PFKL: variants seen among roughly 807,000 people sequenced by gnomAD.
PFKL encodes ATP-dependent 6-phosphofructokinase, liver type.
A neutral mutation model predicts 92.1 loss-of-function variants in PFKL; 74 were observed. That is an observed-to-expected ratio of 0.80 (90% CI 0.67 to 0.97). The LOEUF is 0.97. Among genes scored for constraint, PFKL ranks in the 50% least tolerant of loss-of-function variants. PFKL has a pLI of 0.00. For missense variants in PFKL, 1,028 were observed against 1,116.6 expected, an observed-to-expected ratio of 0.92 and a Z score of 1.13; for synonymous variants, 494 against 456.4, an observed-to-expected ratio of 1.08 and a Z score of -1.05.
chr21:44,321,985 G>A (rs919978602), intron 13 of PFKL, 110 bp downstream of exon 13: 18 of 1,443,590 alleles, frequency 1.2e-5, no homozygotes, highest in African/African-American at 5.7e-5. Flanking sequence ...ACCTGGGTCC[G>A]CGTGTCGGTG....
chr21:44,310,685 C>G (rs1430235928), intron 2 of PFKL, among the ~76,000 whole-genome samples: 1 of 152,146 alleles, frequency 6.6e-6, no homozygotes, highest in Non-Finnish European at 1.5e-5. Context: ...ATGGCGGGCT[C>G]CGCTGGGGCC....
intron 5 of PFKL, 108 bp from the exon 6 acceptor site, chr21:44,313,530 C>G: frequency 9.5e-7 from 1 of 1,054,654 alleles, no homozygotes; most frequent in Middle Eastern, 2.0e-4. Context: ...AAGGGGCTGT[C>G]CCCTGCCTGC....
intron 1 of PFKL, chr21:44,304,582 C>T (rs1289654065): frequency 1.9e-6 from 2 of 1,062,264 alleles, no homozygotes; most frequent in South Asian, 2.0e-5. Context: ...GGGTGGGGGA[C>T]AGGGCGCTGC....
At chr21:44,303,441 A>AAAAAAAAATGACTTGATCG (rs1555874961) in intron 1 of PFKL, among the ~76,000 whole-genome samples, 1 of 97,096 alleles carries the variant, frequency 1.0e-5, no homozygotes, top group African/African-American at 5.3e-5. Flanking sequence ...ACCAAAAAAA[A>AAAAAAAAATGACTTGATCG]AAAAAAAAAA....
chr21:44,306,615 A>ATGG (rs2040952000), intron 1 of PFKL, 66 bp from the exon 2 acceptor site: 3 of 1,377,736 alleles, frequency 2.2e-6, no homozygotes, highest in Non-Finnish European at 2.0e-6. Context: ...GTCCTCTGAG[A>ATGG]TGGGGAGGGT....
intron 1 of PFKL, among the ~76,000 whole-genome samples, chr21:44,304,623 C>G (rs2040876368): frequency 6.6e-6 from 1 of 150,710 alleles, no homozygotes; most frequent in African/African-American, 2.5e-5. Context: ...CGCCCAGCCT[C>G]AGGCAGCAGG....
chr21:44,308,559 A>ATT (rs532812261), intron 2 of PFKL, among the ~76,000 whole-genome samples: 4,037 of 133,576 alleles, frequency 0.03, 217 homozygotes, highest in African/African-American at 0.094. Context: ...GGGGGTAGGA[A>ATT]TTTTTTTTTT....
Position 44,320,120 on chromosome 21 carries a change from C to A in PFKL, c.1164C>A (p.Leu388=). 6.2e-7 allele frequency: 1 copy of A among 1,613,480 alleles called. No individual in the cohort carries two copies. Among genetic ancestry groups the A allele is most frequent in the South Asian group, 1.1e-5 (1 of 91,082 alleles). Residue 388 remains leucine, a synonymous_variant, in exon 12 of 22, where the codon CTC becomes CTA. Coordinates refer to ENST00000349048, the MANE Select transcript of PFKL (RefSeq NM_002626.6). The part of the protein sequence containing the change: ...FENNWNIYKL[L]AHQKPPKEKS... ...ACAACTGGAACATTTACAAGCTCCTCGCCCACCAGAAGCCCCCCAAGGAGA... is the reference window on the plus strand; with the variant it reads ...ACAACTGGAACATTTACAAGCTCCTAGCCCACCAGAAGCCCCCCAAGGAGA...
chr21:44,322,447 C>G (rs1444658696), intron 14 of PFKL, among the ~76,000 whole-genome samples: 1 of 152,234 alleles, frequency 6.6e-6, no homozygotes, highest in Non-Finnish European at 1.5e-5. Context: ...GGCAAGGAAG[C>G]TGGCGAGCGT....
intron 9 of PFKL, 100 bp from the exon 10 acceptor site, chr21:44,318,370 G>A (rs1054765223): frequency 1.6e-6 from 2 of 1,275,710 alleles, no homozygotes; most frequent in Non-Finnish European, 2.0e-6. Context: ...GTCAGCGTGG[G>A]GGGCTCTGGA....
At position 44,318,702 on chromosome 21, in the gene PFKL, C is replaced by G. The variant is rs113106467; in HGVS notation, c.1062+107C>G. The G allele has an allele frequency of 2.0e-3, 2,107 of 1,067,084 alleles. 34 individuals are homozygous for G. In the African/African-American group the frequency reaches 0.03, roughly 15 times the overall value. 66.1% of individuals were successfully genotyped at this position (1,067,084 alleles called of 1,614,324 possible). A position where few individuals can be genotyped will look rare whatever the true frequency, so the allele number is the denominator to read the frequency against. ...CCCCAGCACTGTGAGCACCGGAGGG[C>G]AGGGCCTCGTGGCTGGCCCAGGGCA... On this transcript the variant is annotated intron_variant, in intron 10 of 21. Coordinates refer to ENST00000349048, the MANE Select transcript of PFKL (RefSeq NM_002626.6).
In PFKL at chr21:44,305,476, G is replaced by A. The variant is rs921447410; in HGVS notation, c.86-1205G>A. 5.5e-6 allele frequency: 7 copies of A among 1,283,824 alleles called. No homozygotes were observed. The Admixed American group carries it at 6.6e-5, about 12-fold the overall frequency. The allele number at this position is 1,283,824 out of a possible 1,614,324, so 79.5% of individuals were successfully genotyped here. ...GTGGGAGGGCAGGGGCTTTTGAGGG[G>A]CACGAGGCTTGGGGACAGAGGACCC... On this transcript the variant is annotated intron_variant, in intron 1 of 21. Coordinates refer to ENST00000349048, the MANE Select transcript of PFKL (RefSeq NM_002626.6).
At chr21:44,324,342 TG>T in intron 16 of PFKL, 148 bp from the exon 17 acceptor site, 1 of 761,860 alleles carries the variant, frequency 1.3e-6, no homozygotes, top group Non-Finnish European at 2.1e-6. Context: ...AGGTGGGAGG[TG>T]GGCCCAAGCC....
intron 7 of PFKL, chr21:44,315,979 C>A: frequency 2.0e-6 from 1 of 511,530 alleles, no homozygotes. Context: ...CCCCGAGGGC[C>A]CCCTTCCTCC....
chr21:44,326,426 C>T (rs1483328535), intron 21 of PFKL, among the ~76,000 whole-genome samples, 162 bp downstream of exon 21: 2 of 152,176 alleles, frequency 1.3e-5, no homozygotes, highest in Admixed American at 1.3e-4. Flanking sequence ...GAGCAGGGAC[C>T]ATGCCCAAGT....
rs774320589 is a variant in PFKL, at chr21:44,322,977, C to A, written c.1425C>A (p.Gly475=). The A allele has an allele frequency of 6.2e-7, 1 of 1,612,042 alleles. No individual in the cohort carries two copies. The highest frequency in any genetic ancestry group is 1.1e-5 in the South Asian group (1 of 90,986). Reference sequence around the variant, plus strand: ...TTGACTGCAGGACCCTGCCCAAGGGCCAGCTGGAGTCCATTGTGGAGAACA... The same window carrying A: ...TTGACTGCAGGACCCTGCCCAAGGGACAGCTGGAGTCCATTGTGGAGAACA... ...MLGTKRTLPK[G]QLESIVENIR... The change falls in exon 15 of 22, where the codon GGC becomes GGA. Residue 475 remains glycine (G), a synonymous_variant. Transcript: ENST00000349048.
In PFKL at chr21:44,321,736, T is replaced by A; in HGVS notation, c.1199T>A (p.Phe400Tyr). 6.4e-7 allele frequency: 1 copy of A among 1,568,686 alleles called. No individual in the cohort carries two copies. The highest frequency in any genetic ancestry group is 8.6e-7 in the Non-Finnish European group (1 of 1,157,462). ...CTCCCCTTCTCTCTGAAGTCTAACTTCTCCCTGGCCATCCTGAATGTGGGG... is the reference window on the plus strand; with the variant it reads ...CTCCCCTTCTCTCTGAAGTCTAACTACTCCCTGGCCATCCTGAATGTGGGG... Reference protein sequence around the residue: ...HQKPPKEKSNFSLAILNVGAP... With the variant: ...HQKPPKEKSNYSLAILNVGAP... Residue 400 changes from phenylalanine (F) to tyrosine (Y), a missense_variant, in exon 13 of 22, where the codon TTC (phenylalanine) becomes TAC (tyrosine). Phe to Tyr is a conservative substitution (Grantham distance 22). Transcript: ENST00000349048.
chr21:44,325,283 G>GCT lies in PFKL; in HGVS notation c.1989+22_1989+23dup, dbSNP rs764387690. ...GCAGCAGGTGTGGGGCAGGGGTGAGGCTCTGAGAGGCCTGCCCCTCTTTCC... is the reference window on the plus strand; with the variant it reads ...GCAGCAGGTGTGGGGCAGGGGTGAGGCTCTCTGAGAGGCCTGCCCCTCTTTCC... On this transcript the variant is annotated intron_variant, in intron 19 of 21. Transcript: ENST00000349048. 9 of 1,451,864 alleles carry GCT rather than the reference G, an allele frequency of 6.2e-6. No individual in the cohort carries two copies. In the African/African-American group the frequency reaches 1.3e-4, roughly 20 times the overall value. 89.9% of individuals were successfully genotyped at this position (1,451,864 alleles called of 1,614,324 possible). A position where few individuals can be genotyped will look rare whatever the true frequency, so the allele number is the denominator to read the frequency against.
intron 1 of PFKL, chr21:44,304,394 G>T (rs1222857201): frequency 1.6e-6 from 2 of 1,260,414 alleles, no homozygotes; most frequent in Non-Finnish European, 2.0e-6. Context: ...GTGGTTGGAC[G>T]GTGGCCTGGG....
Sources: gnomAD v4.1 joint callset for allele counts (sites outside exome capture counted in the v4.1 genomes callset) on GRCh38, gnomAD v4.1.1 for gene constraint, MANE v1.5 for transcripts, NCBI Gene and HGNC (gene_info 2026-07-23, HGNC 2026-07-21) for gene names.